The following DCAF5 variants were observed in gnomAD, a reference collection of about 807,000 sequenced individuals.
The protein encoded by DCAF5 is DDB1- and CUL4-associated factor 5.
In DCAF5, 9 loss-of-function variants were observed where a neutral mutation model predicts 80.7. That is an observed-to-expected ratio of 0.11 (90% CI 0.07 to 0.19). DCAF5 has a LOEUF of 0.19. Ranked by LOEUF, DCAF5 falls within the 10% of genes least tolerant of loss-of-function variation. The pLI, the probability that DCAF5 is intolerant of heterozygous loss-of-function variation, is 1.00. For synonymous variants in DCAF5, 433 were observed against 461.9 expected (o/e 0.94, Z 0.80); for missense variants, 842 against 1,205.7 (o/e 0.70, Z 4.47).
At chr14:69,090,083 T>C (rs1385167189) in intron 6 of DCAF5, 1 of 985,320 alleles carries the variant, frequency 1.0e-6, no homozygotes, top group Non-Finnish European at 1.2e-6. Flanking sequence ...ACTATTAATA[T>C]CACCTTCACT....
Position 69,062,366 on chromosome 14 carries a change from A to T in DCAF5, c.1074+18T>A, listed in dbSNP as rs1027327202. On this transcript the variant is annotated intron_variant, in intron 8 of 8. Coordinates refer to ENST00000341516, the MANE Select transcript of DCAF5 (RefSeq NM_003861.3). ...TGTGAGAATTTCTCTAAAAGGACAG[A>T]AGGGGAAGGTGCCTCACCTTGATAA... 14 of 1,611,866 alleles carry T rather than the reference A, an allele frequency of 8.7e-6. No individual in the cohort carries two copies. Among genetic ancestry groups the T allele is most frequent in the Non-Finnish European group, 1.1e-5 (13 of 1,178,888 alleles).
At position 69,053,762 on chromosome 14, in the gene DCAF5, T is replaced by C; in HGVS notation, c.*95A>G. 7.9e-7 allele frequency: 1 copy of C among 1,271,710 alleles called. No homozygotes were observed. The highest frequency in any genetic ancestry group is 1.1e-6 in the Non-Finnish European group (1 of 946,090). 78.8% of individuals were successfully genotyped at this position (1,271,710 alleles called of 1,614,324 possible). A position where few individuals can be genotyped will look rare whatever the true frequency, so the allele number is the denominator to read the frequency against. On this transcript the variant is annotated 3_prime_UTR_variant, in exon 9 of 9. Transcript: ENST00000341516. The stretch of plus-strand genomic sequence containing the variant: ...TTTCAGGCCCTGGTTTCATGTGCCT[T>C]TAATACTTGTTTTTCCTTTCCTCTG...
chr14:69,123,682 C>T (rs1332188301), intron 1 of DCAF5, among the ~76,000 whole-genome samples: 1 of 152,154 alleles, frequency 6.6e-6, no homozygotes, highest in East Asian at 1.9e-4. Flanking sequence ...TAACTCCTCC[C>T]AGTGCCTAGT....
chr14:69,055,040 C>A lies in DCAF5; in HGVS notation c.1646G>T (p.Arg549Leu). The change falls in exon 9 of 9, where the codon CGG (arginine) becomes CTG (leucine). Residue 549 changes from arginine (R) to leucine (L), a missense_variant. Around this residue, in one of 5 missense-constraint regions of DCAF5, gnomAD observed 607 missense variants for 656.6 expected, o/e 0.92. Coordinates refer to ENST00000341516, the MANE Select transcript of DCAF5 (RefSeq NM_003861.3). This position sits in a 1 kb window ranked among gnomAD's most constrained non-coding sequence, Gnocchi z 5.6. The part of the protein sequence containing the change: ...EVELDTDLFP[R>L]PRSPSPEDES... ...ATCTTCGGGGCTGGGTGACCGTGGC[C>A]GGGGAAAGAGATCTGTGTCTAGTTC... The A allele has an allele frequency of 6.2e-7, 1 of 1,614,180 alleles. No individual in the cohort carries two copies. Among genetic ancestry groups the A allele is most frequent in the African/African-American group, 1.3e-5 (1 of 75,052 alleles).
intron 6 of DCAF5, chr14:69,090,998 G>A (rs1412047190): frequency 1.4e-6 from 1 of 697,162 alleles, no homozygotes; most frequent in Non-Finnish European, 2.6e-6. Context: ...ACTGGTCACT[G>A]ACACTTCAGA....
In DCAF5 at chr14:69,105,944, T is replaced by TATATATATATATA. The variant is rs35270301; in HGVS notation, c.665+10421_665+10422insTATATATATATAT. ...ATATATATATATATATATATATATA[T>TATATATATATATA]ATCTCCTATTGGTTCTGTTCCTCTG... On this transcript the variant is annotated intron_variant, in intron 5 of 8. Transcript: ENST00000341516. 2.3e-3 allele frequency among the ~76,000 whole-genome samples: 194 copies of TATATATATATATA among 85,204 alleles called. 27 individuals carry two copies. The Middle Eastern group carries it at 0.04, about 18-fold the overall frequency. The allele number at this position is 85,204 out of a possible 152,430, so 55.9% of individuals were successfully genotyped here. A position where few individuals can be genotyped will look rare whatever the true frequency, so the allele number is the denominator to read the frequency against.
Position 69,152,909 on chromosome 14 carries a change from G to T in DCAF5, c.70C>A (p.His24Asn). ...VVGFLSQRGL[H>N]GDPLLTQDFQ... The stretch of plus-strand genomic sequence containing the variant: ...TCCTGAGTGAGCAGGGGGTCCCCAT[G>T]CAAGCCCCGCTGGGACAAGAAGCCC... Residue 24 changes from histidine (H) to asparagine (N), a missense_variant, in exon 1 of 9, where the codon CAT (histidine) becomes AAT (asparagine). Around this residue, in one of 5 missense-constraint regions of DCAF5, gnomAD observed 28 missense variants for 28.7 expected, o/e 0.98. Transcript: ENST00000341516. The surrounding 1 kb of genome is among the most constrained non-coding windows in gnomAD (Gnocchi z 4.1). 1 of 1,613,838 alleles carries T rather than the reference G, an allele frequency of 6.2e-7. No homozygotes were observed. Among genetic ancestry groups the T allele is most frequent in the Non-Finnish European group, 8.5e-7 (1 of 1,179,976 alleles).
intron 6 of DCAF5, chr14:69,083,617 C>A: frequency 1.8e-6 from 1 of 543,256 alleles, no homozygotes; most frequent in Non-Finnish European, 3.4e-6. Context: ...AGATGTGTCT[C>A]AAGAAGCAGT....
chr14:69,089,823 G>T, intron 6 of DCAF5: 2 of 611,720 alleles, frequency 3.3e-6, no homozygotes, highest in Non-Finnish European at 4.1e-6. Context: ...CCGGCTTCTA[G>T]TAGGAAGAGG....
intron 8 of DCAF5, among the ~76,000 whole-genome samples, chr14:69,057,969 A>T (rs1306798907): frequency 1.3e-5 from 2 of 152,154 alleles, no homozygotes; most frequent in East Asian, 3.8e-4. Flanking sequence ...TGAGAATGAT[A>T]CCAAAGCCCA....
At chr14:69,148,839 G>A (rs2041622358) in intron 1 of DCAF5, among the ~76,000 whole-genome samples, 1 of 152,186 alleles carries the variant, frequency 6.6e-6, no homozygotes, top group African/African-American at 2.4e-5. Context: ...GATGAGTAGT[G>A]AAGGTACTTA....
intron 5 of DCAF5, among the ~76,000 whole-genome samples, chr14:69,113,357 C>G (rs2040434979): frequency 6.6e-6 from 1 of 152,120 alleles, no homozygotes; most frequent in South Asian, 2.1e-4. Flanking sequence ...CTAGGGTAAT[C>G]AGAACACCAA....
intron 7 of DCAF5, among the ~76,000 whole-genome samples, chr14:69,074,125 G>A (rs530075579): frequency 6.6e-6 from 1 of 152,346 alleles, no homozygotes; most frequent in African/African-American, 2.4e-5. Flanking sequence ...CAGATGTTTG[G>A]TAAGAATATT....
intron 1 of DCAF5, among the ~76,000 whole-genome samples, chr14:69,124,864 T>G (rs770562435): frequency 8.7e-5 from 13 of 149,712 alleles, no homozygotes; most frequent in African/African-American, 3.0e-4. Flanking sequence ...GCTACTATAT[T>G]TTTTTTTAAT....
intron 7 of DCAF5, among the ~76,000 whole-genome samples, chr14:69,067,222 G>A (rs182020990): frequency 6.6e-6 from 1 of 151,722 alleles, no homozygotes; most frequent in African/African-American, 2.4e-5. Context: ...ATGAAAAGAT[G>A]TGAGTGTATT....
At chr14:69,135,252 G>A (rs144616606) in intron 1 of DCAF5, among the ~76,000 whole-genome samples, 4 of 152,272 alleles carry the variant, frequency 2.6e-5, no homozygotes, top group East Asian at 3.9e-4. Context: ...GTGCCTTGGC[G>A]CTAGGGCAGT....
In DCAF5 at chr14:69,080,993, C is replaced by T. The variant is rs1056392487; in HGVS notation, c.880-5582G>A. 5.9e-5 allele frequency among the ~76,000 whole-genome samples: 9 copies of T among 151,608 alleles called. 1 individual carries two copies. The highest frequency in any genetic ancestry group is 2.6e-4 in the Admixed American group (4 of 15,224). ...GGGGAAACCACAGATTAAAAACTCACTTCATGTTCTGCTTTAGTACTAAAA... is the reference window on the plus strand; with the variant it reads ...GGGGAAACCACAGATTAAAAACTCATTTCATGTTCTGCTTTAGTACTAAAA... On this transcript the variant is annotated intron_variant, in intron 6 of 8. Transcript: ENST00000341516.
chr14:69,080,954 C>A (rs1304908269), intron 6 of DCAF5, among the ~76,000 whole-genome samples: 1 of 151,556 alleles, frequency 6.6e-6, no homozygotes, highest in Non-Finnish European at 1.5e-5. Context: ...TAACGTCATT[C>A]TAAACATGAC....
Position 69,062,440 on chromosome 14 carries a change from G to C in DCAF5, c.1018C>G (p.Arg340Gly). ...ATCATGTAGGTGTGGGGATTAAATC[G>C]GACTTGGTTAACAATAGATCGATGC... ...KGHRSIVNQVRFNPHTYMICS... is the reference protein window; with the variant it reads ...KGHRSIVNQVGFNPHTYMICS... Residue 340 changes from arginine (R) to glycine (G), a missense_variant, in exon 8 of 9, where the codon CGA becomes GGA. By Grantham distance (125) the Arg-to-Gly change is moderately radical. This residue lies in a region of DCAF5 where 65 missense variants were observed against 191.3 expected (regional missense o/e 0.34). Transcript: ENST00000341516. 6.2e-7 allele frequency: 1 copy of C among 1,613,912 alleles called. No individual in the cohort carries two copies. Among genetic ancestry groups the C allele is most frequent in the Non-Finnish European group, 8.5e-7 (1 of 1,179,900 alleles).
Sources: gnomAD v4.1 joint callset for allele counts (sites outside exome capture counted in the v4.1 genomes callset) on GRCh38, gnomAD v4.1.1 for gene constraint, gnomAD v4.1.1 regional missense constraint, Gnocchi (gnomAD v3.1) non-coding constraint, MANE v1.5 for transcripts, NCBI Gene and HGNC (gene_info 2026-07-23, HGNC 2026-07-21) for gene names.